PDCL: variants seen among roughly 807,000 people sequenced by gnomAD.
The protein encoded by PDCL is phosducin like.
Under a neutral mutation model 26.7 loss-of-function variants are expected in PDCL, and 11 were observed. The observed-to-expected ratio is 0.41, with a 90% CI of 0.26 to 0.68. The LOEUF is 0.68. Among genes scored for constraint, PDCL ranks in the 30% least tolerant of loss-of-function variants. The pLI, the probability that PDCL is intolerant of heterozygous loss-of-function variation, is 0.30. For missense variants in PDCL, 330 were observed against 371.6 expected, an observed-to-expected ratio of 0.89 and a Z score of 0.92; for synonymous variants, 118 against 134.9, an observed-to-expected ratio of 0.87 and a Z score of 0.87.
At chr9:122,822,903 T>G (rs1829571188) in intron 3 of PDCL, 113 bp downstream of exon 3, 5 of 931,848 alleles carry the variant, frequency 5.4e-6, no homozygotes, top group Non-Finnish European at 8.5e-6. Context: ...TGATTTCTCC[T>G]GCACTGCACA....
intron 3 of PDCL, among the ~76,000 whole-genome samples, chr9:122,821,702 T>C (rs966143096): frequency 6.6e-6 from 1 of 152,146 alleles, no homozygotes; most frequent in Non-Finnish European, 1.5e-5. Context: ...CTCACAAGAC[T>C]GATCCATGTG....
Position 122,819,967 on chromosome 9 carries a change from G to A in PDCL, c.*118C>T. ...TAATCTAAGAATTTCTTTATTTTAT[G>A]CATAATAAAAGGGACTACAAAGAAC... On this transcript the variant is annotated 3_prime_UTR_variant, in exon 4 of 4. Transcript: ENST00000259467. 1.4e-6 allele frequency: 1 copy of A among 733,404 alleles called. No individual in the cohort carries two copies. The highest frequency in any genetic ancestry group is 2.1e-5 in the South Asian group (1 of 48,032). 45.4% of individuals were successfully genotyped at this position (733,404 alleles called of 1,614,324 possible).
chr9:122,819,814 T>C lies in PDCL; in HGVS notation c.*271A>G, dbSNP rs1564267564. On this transcript the variant is annotated 3_prime_UTR_variant, in exon 4 of 4. Transcript: ENST00000259467. Reference sequence around the variant, plus strand: ...TGTCTTTAGGATGCTTTGTAAATATTGACTGGAAACAATAACAGAGATGTC... The same window carrying C: ...TGTCTTTAGGATGCTTTGTAAATATCGACTGGAAACAATAACAGAGATGTC... 3 of 298,588 alleles carry C rather than the reference T, an allele frequency of 1.0e-5. No homozygotes were observed. The highest frequency in any genetic ancestry group is 1.2e-5 in the Non-Finnish European group (2 of 163,556). The allele number at this position is 298,588 out of a possible 1,614,324, so 18.5% of individuals were successfully genotyped here.
rs898191846 is a variant in PDCL at position 122,819,132 on chromosome 9, C to T, written c.*953G>A. ...AAAACAAACAAAATATCCATGTATA[C>T]ACAGAAAACACCTTGGCAGGAAACA... On this transcript the variant is annotated 3_prime_UTR_variant, in exon 4 of 4. Transcript: ENST00000259467. 1.3e-5 allele frequency: 2 copies of T among 151,924 alleles called. No homozygotes were observed. The highest frequency in any genetic ancestry group is 2.9e-5 in the Non-Finnish European group (2 of 67,976). 9.4% of individuals were successfully genotyped at this position (151,924 alleles called of 1,614,324 possible). A position where few individuals can be genotyped will look rare whatever the true frequency, so the allele number is the denominator to read the frequency against.
At chr9:122,827,511 C>T (rs1225135442) in intron 1 of PDCL, among the ~76,000 whole-genome samples, 2 of 152,132 alleles carry the variant, frequency 1.3e-5, no homozygotes, top group Middle Eastern at 3.2e-3. Flanking sequence ...ACCAGGTATT[C>T]GAGACCAGCC....
intron 3 of PDCL, among the ~76,000 whole-genome samples, chr9:122,822,028 C>T (rs530979988): frequency 2.0e-5 from 3 of 152,232 alleles, no homozygotes; most frequent in Non-Finnish European, 2.9e-5. Context: ...ACTCAGTCTA[C>T]CAGAGTGGCT....
intron 2 of PDCL, 110 bp from the exon 3 acceptor site, chr9:122,823,307 G>C: frequency 9.8e-7 from 1 of 1,020,266 alleles, no homozygotes; most frequent in Non-Finnish European, 1.5e-6. Flanking sequence ...TCCATCTACT[G>C]CACAATTATC....
In PDCL at chr9:122,820,142, T is replaced by C. The variant is rs373380908; in HGVS notation, c.849A>G (p.Thr283=). The C allele has an allele frequency of 4.3e-6, 7 of 1,614,172 alleles. No individual in the cohort carries two copies. The highest frequency in any genetic ancestry group is 1.1e-5 in the South Asian group (1 of 91,088). ...GACACGTGGCAGAGTTACGCACAGA[T>C]GTCAGCACCAAGACTTCCTTTTCTG... ...LLPEKEVLVL[T]SVRNSATCHS... The change falls in exon 4 of 4, where the codon ACA becomes ACG. Residue 283 remains threonine, a synonymous_variant. Transcript: ENST00000259467.
rs1301100771 is a variant in PDCL at position 122,826,810 on chromosome 9, A to G, written c.-5-18T>C. The G allele has an allele frequency of 3.1e-6, 5 of 1,612,692 alleles. No homozygotes were observed. The highest frequency in any genetic ancestry group is 1.3e-5 in the African/African-American group (1 of 74,896). ...CATGGTGTCTGGAAAAAGAAAGCATATCAGGTTCTTTGCTGATTTGAGCCA... is the reference window on the plus strand; with the variant it reads ...CATGGTGTCTGGAAAAAGAAAGCATGTCAGGTTCTTTGCTGATTTGAGCCA... On this transcript the variant is annotated intron_variant, in intron 1 of 3. Transcript: ENST00000259467.
In PDCL at chr9:122,819,433, C is replaced by T. The variant is rs1244543120; in HGVS notation, c.*652G>A. On this transcript the variant is annotated 3_prime_UTR_variant, in exon 4 of 4. Transcript: ENST00000259467. ...ACAAAGATTTCCAGCCCCACTCCAG[C>T]TCTAATGTTTAAATCCATAAACTAC... 1 of 152,186 alleles carries T rather than the reference C, an allele frequency of 6.6e-6. No individual in the cohort carries two copies. Among genetic ancestry groups the T allele is most frequent in the Non-Finnish European group, 1.5e-5 (1 of 68,028 alleles). 9.4% of individuals were successfully genotyped at this position (152,186 alleles called of 1,614,324 possible). A position where few individuals can be genotyped will look rare whatever the true frequency, so the allele number is the denominator to read the frequency against.
At chr9:122,826,144 A>G (rs939827155) in intron 2 of PDCL, among the ~76,000 whole-genome samples, 4 of 152,176 alleles carry the variant, frequency 2.6e-5, no homozygotes, top group Non-Finnish European at 5.9e-5. Context: ...GGCGGAAATA[A>G]ACCTACAATG....
rs1564267875 is a variant in PDCL, at chr9:122,820,367, C to T, written c.624G>A (p.Glu208=). The change falls in exon 4 of 4, where the codon GAG becomes GAA. Residue 208 remains glutamate, a synonymous_variant. Transcript: ENST00000259467. The part of the protein sequence containing the change: ...MNGCMICLAA[E]YPAVKFCKVK... ...CCTTGCAGAACTTGACAGCTGGGTA[C>T]TCTGCGGCAAGGCAGATCATGCAAC... 6.2e-7 allele frequency: 1 copy of T among 1,614,210 alleles called. No homozygotes were observed. The highest frequency in any genetic ancestry group is 8.5e-7 in the Non-Finnish European group (1 of 1,180,036).
chr9:122,825,257 G>T (rs1407342126), intron 2 of PDCL, among the ~76,000 whole-genome samples: 1 of 152,050 alleles, frequency 6.6e-6, no homozygotes, highest in Non-Finnish European at 1.5e-5. Flanking sequence ...TGCCTCCGGG[G>T]TTCAAGCAAT....
chr9:122,821,667 T>C (rs144862676), intron 3 of PDCL, among the ~76,000 whole-genome samples: 228 of 152,276 alleles, frequency 1.5e-3, no homozygotes, highest in South Asian at 3.9e-3. Context: ...CTATTGCAGA[T>C]AAATCAGCAG....
intron 3 of PDCL, 64 bp downstream of exon 3, chr9:122,822,952 A>C: frequency 7.1e-7 from 1 of 1,416,726 alleles, no homozygotes; most frequent in South Asian, 1.2e-5. Flanking sequence ...CCACCTCTTG[A>C]ATCACTCACC....
chr9:122,826,179 G>T (rs542673472), intron 2 of PDCL, among the ~76,000 whole-genome samples: 1 of 152,304 alleles, frequency 6.6e-6, no homozygotes, highest in East Asian at 1.9e-4. Flanking sequence ...CAAAGATCAA[G>T]GAGTTTCATA....
At position 122,819,896 on chromosome 9, in the gene PDCL, G is replaced by A. The variant is rs1188976610; in HGVS notation, c.*189C>T. The A allele has an allele frequency of 1.2e-5, 6 of 507,044 alleles. No individual in the cohort carries two copies. Among genetic ancestry groups the A allele is most frequent in the Non-Finnish European group, 2.1e-5 (6 of 292,158 alleles). The allele number at this position is 507,044 out of a possible 1,614,324, so 31.4% of individuals were successfully genotyped here. On this transcript the variant is annotated 3_prime_UTR_variant, in exon 4 of 4. Coordinates refer to ENST00000259467, the MANE Select transcript of PDCL (RefSeq NM_005388.5). ...AGCCTGGCTTCCTGTTTATACAACT[G>A]TAAGTCACCTTATTGCTAGCTACAA... is the stretch of plus-strand genomic sequence containing the variant.
chr9:122,827,365 T>G (rs1829641379), intron 1 of PDCL, among the ~76,000 whole-genome samples: 1 of 152,188 alleles, frequency 6.6e-6, no homozygotes, highest in Admixed American at 6.5e-5. Context: ...TCTGAAACGC[T>G]ACCTATTCTG....
intron 2 of PDCL, among the ~76,000 whole-genome samples, chr9:122,824,037 T>C (rs1829589778): frequency 6.6e-6 from 1 of 152,178 alleles, no homozygotes; most frequent in South Asian, 2.1e-4. Context: ...CCCAAAGTGC[T>C]ATGGGATGAT....
Sources: gnomAD v4.1 joint callset for allele counts (sites outside exome capture counted in the v4.1 genomes callset) on GRCh38, gnomAD v4.1.1 for gene constraint, MANE v1.5 for transcripts, NCBI Gene and HGNC (gene_info 2026-07-23, HGNC 2026-07-21) for gene names.